DDX5: variants seen among roughly 807,000 people sequenced by gnomAD.
DDX5 encodes DEAD-box helicase 5, also known as probable ATP-dependent RNA helicase DDX5.
Under a neutral mutation model 68.6 loss-of-function variants are expected in DDX5, and 6 were observed. The ratio of observed to expected loss-of-function variants is 0.09; its 90% CI spans 0.05 to 0.17. DDX5 has a LOEUF of 0.17. Among genes scored for constraint, DDX5 ranks in the 10% least tolerant of loss-of-function variants. The pLI is 1.00. For synonymous variants in DDX5, 350 were observed against 247.0 expected (o/e 1.42, Z -3.91); for missense variants, 499 against 756.1 (o/e 0.66, Z 3.99).
At position 64,499,022 on chromosome 17, in the gene DDX5, A is replaced by G. The variant is rs782511376; in HGVS notation, c.*901T>C. 2.2e-4 allele frequency among the ~76,000 whole-genome samples: 34 copies of G among 152,244 alleles called. 1 individual carries two copies. The highest frequency in any genetic ancestry group is 7.3e-5 in the Non-Finnish European group (5 of 68,046). ...TCATGACTCCCAGTGTGACTAGTTA[A>G]GAGCCCCAGGGAGCCTGTGAAGACT... On this transcript the variant is annotated 3_prime_UTR_variant, in exon 13 of 13. Coordinates refer to ENST00000225792, the MANE Select transcript of DDX5 (RefSeq NM_004396.5).
rs2038348252 is a variant in DDX5, at chr17:64,503,466, C to A, written c.613G>T (p.Ala205Ser). 1 of 1,614,234 alleles carries A rather than the reference C, an allele frequency of 6.2e-7. No individual in the cohort carries two copies. Among genetic ancestry groups the A allele is most frequent in the African/African-American group, 1.3e-5 (1 of 75,058 alleles). The change falls in exon 6 of 13, where the codon GCT becomes TCT. Residue 205 changes from alanine to serine, a missense_variant. By Grantham distance (99) the Ala-to-Ser change is moderately conservative. This residue lies in a region of DDX5 where 141 missense variants were observed against 279.8 expected (regional missense o/e 0.50). Transcript: ENST00000225792. ...RLKSTCIYGG[A>S]PKGPQIRDLE... ...TCACGTATTTGTGGTCCCTTAGGAGCACCACCGTAGATACAAGTAGACTTC... is the reference window on the plus strand; with the variant it reads ...TCACGTATTTGTGGTCCCTTAGGAGAACCACCGTAGATACAAGTAGACTTC...
chr17:64,499,632 A>G lies in DDX5; in HGVS notation c.*291T>C, dbSNP rs1205251278. 6 of 307,328 alleles carry G rather than the reference A, an allele frequency of 2.0e-5. No homozygotes were observed. Among genetic ancestry groups the G allele is most frequent in the African/African-American group, 8.5e-5 (4 of 47,032 alleles). 19.0% of individuals were successfully genotyped at this position (307,328 alleles called of 1,614,324 possible). Reference sequence around the variant, plus strand: ...AATTTCCACTTAATTCAGTCTTCAAATATTTTTTATTGGAAGGCCATGCAT... The same window carrying G: ...AATTTCCACTTAATTCAGTCTTCAAGTATTTTTTATTGGAAGGCCATGCAT... On this transcript the variant is annotated 3_prime_UTR_variant, in exon 13 of 13. Coordinates refer to ENST00000225792, the MANE Select transcript of DDX5 (RefSeq NM_004396.5).
intron 8 of DDX5, 114 bp from the exon 9 acceptor site, chr17:64,502,663 A>G (rs1185611389): frequency 2.4e-6 from 2 of 821,354 alleles, no homozygotes; most frequent in Non-Finnish European, 3.8e-6. Flanking sequence ...GAAGTCAAAG[A>G]GGAAACGCCT....
chr17:64,501,842 CCCT>C (rs2038304600), intron 11 of DDX5, 165 bp downstream of exon 11: 1 of 650,204 alleles, frequency 1.5e-6, no homozygotes. Flanking sequence ...TCCTCCATCC[CCCT>C]CGAGTCCTCC....
At chr17:64,502,687 T>C in intron 8 of DDX5, 138 bp from the exon 9 acceptor site, 1 of 730,834 alleles carries the variant, frequency 1.4e-6, no homozygotes, top group Non-Finnish European at 2.2e-6. Context: ...AATCCACTTA[T>C]CGAGCAGTTC....
Position 64,504,097 on chromosome 17 carries a change from A to T in DDX5, c.327T>A (p.Ile109=), listed in dbSNP as rs2229794. The change falls in exon 4 of 13, where the codon ATT becomes ATA. Residue 109 remains isoleucine, a synonymous_variant. Transcript: ENST00000225792. ...ANFPANVMDV[I]ARQNFTEPTA... is the part of the protein sequence containing the mutation. ...TGGGTTCAGTGAAATTCTGTCTTGC[A>T]ATAACATCCATGACATTTGCTATAA... 336 of 1,614,182 alleles carry T rather than the reference A, an allele frequency of 2.1e-4. 3 individuals carry two copies. The East Asian group carries it at 4.1e-3, about 19-fold the overall frequency.
rs372481282 is a variant in DDX5, at chr17:64,499,882, G to A, written c.*41C>T. 10 of 1,502,252 alleles carry A rather than the reference G, an allele frequency of 6.7e-6. No individual in the cohort carries two copies. Among genetic ancestry groups the A allele is most frequent in the African/African-American group, 2.8e-5 (2 of 71,864 alleles). The allele number at this position is 1,502,252 out of a possible 1,614,324, so 93.1% of individuals were successfully genotyped here. A position where few individuals can be genotyped will look rare whatever the true frequency, so the allele number is the denominator to read the frequency against. On this transcript the variant is annotated 3_prime_UTR_variant, in exon 13 of 13. Transcript: ENST00000225792. ...TGTCAGATAACACACAATATAAAGA[G>A]CAATTATGAAAAACAGACATTTACA...
intron 3 of DDX5, 39 bp downstream of exon 3, chr17:64,504,183 C>G: frequency 6.2e-7 from 1 of 1,612,858 alleles, no homozygotes; most frequent in Non-Finnish European, 8.5e-7. Context: ...TAGGTGGAAA[C>G]AAAAACACGG....
chr17:64,499,921 T>C lies in DDX5; in HGVS notation c.*2A>G, dbSNP rs3210263. On this transcript the variant is annotated 3_prime_UTR_variant, in exon 13 of 13. Coordinates refer to ENST00000225792, the MANE Select transcript of DDX5 (RefSeq NM_004396.5). ...CAGACATTTACATATACTTCTAAAG[T>C]CTTATTGGGAATATCCTGTTGGCAT... The C allele has an allele frequency of 1.3e-6, 2 of 1,583,694 alleles. No individual in the cohort carries two copies. The highest frequency in any genetic ancestry group is 1.7e-6 in the Non-Finnish European group (2 of 1,163,806).
At chr17:64,506,030 CCA>C in intron 1 of DDX5, 44 bp downstream of exon 1, 1 of 1,417,706 alleles carries the variant, frequency 7.1e-7, no homozygotes, top group Non-Finnish European at 9.5e-7. Flanking sequence ...ACCCGCCCTC[CCA>C]TCCCCCCACC....
At position 64,498,899 on chromosome 17, in the gene DDX5, T is replaced by C. The variant is rs535585686; in HGVS notation, c.*1024A>G. On this transcript the variant is annotated 3_prime_UTR_variant, in exon 13 of 13. Coordinates refer to ENST00000225792, the MANE Select transcript of DDX5 (RefSeq NM_004396.5). Reference sequence around the variant, plus strand: ...GCTTTTGGTTACGTTGCCTCCTGATTAGTCATTAATTTTAATGAGGTTTTT... The same window carrying C: ...GCTTTTGGTTACGTTGCCTCCTGATCAGTCATTAATTTTAATGAGGTTTTT... Among the ~76,000 whole-genome samples, 11 of 152,332 alleles carry C rather than the reference T, an allele frequency of 7.2e-5. No individual in the cohort carries two copies. The highest frequency in any genetic ancestry group is 2.6e-4 in the African/African-American group (11 of 41,564).
intron 1 of DDX5, chr17:64,505,419 A>C (rs2038440374): frequency 9.2e-6 from 5 of 540,558 alleles, no homozygotes. Flanking sequence ...GAAAAAAGAA[A>C]AGGAGGAGCC....
At chr17:64,505,652 C>T (rs190021518) in intron 1 of DDX5, 9 of 1,332,530 alleles carry the variant, frequency 6.8e-6, no homozygotes, top group East Asian at 2.5e-5. Context: ...TGCCGGCCGC[C>T]CTCCTACCCC....
rs782347912 is a variant in DDX5 at position 64,503,181 on chromosome 17, C to T, written c.810+7G>A. ...CAGTTTGATCACATATTTCAAAGGA[C>T]ACTTACTCTTATTTGATCCACAATC... On this transcript the variant is annotated splice_region_variant and intron_variant, in intron 7 of 12. Transcript: ENST00000225792. 10 of 1,613,844 alleles carry T rather than the reference C, an allele frequency of 6.2e-6. No individual in the cohort carries two copies. The highest frequency in any genetic ancestry group is 4.0e-5 in the African/African-American group (3 of 74,898).
chr17:64,506,796 C>T (rs1009409453), upstream of DDX5: 5 of 548,788 alleles, frequency 9.1e-6, no homozygotes, highest in Admixed American at 9.8e-5. Flanking sequence ...CCCGGGCTGC[C>T]GGCTGATGTG....
chr17:64,503,507 C>G lies in DDX5; in HGVS notation c.572G>C (p.Cys191Ser). The change falls in exon 6 of 13, where the codon TGT (cysteine) becomes TCT (serine). Residue 191 changes from cysteine (C) to serine (S), a missense_variant. Cys to Ser is a moderately radical substitution (Grantham distance 112). Coordinates refer to ENST00000225792, the MANE Select transcript of DDX5 (RefSeq NM_004396.5). Reference protein sequence around the residue: ...QQVQQVAAEYCRACRLKSTCI... With the variant: ...QQVQQVAAEYSRACRLKSTCI... The stretch of plus-strand genomic sequence containing the variant: ...AGTAGACTTCAAGCGACATGCTCTA[C>G]AATATTCAGCAGCTACTTGCTGCAC... The G allele has an allele frequency of 1.2e-6, 2 of 1,614,250 alleles. No homozygotes were observed. The highest frequency in any genetic ancestry group is 1.7e-6 in the Non-Finnish European group (2 of 1,180,048).
Position 64,498,665 on chromosome 17 carries a change from T to A in DDX5, c.*1258A>T, listed in dbSNP as rs151153205. Among the ~76,000 whole-genome samples, 277 of 152,202 alleles carry A rather than the reference T, an allele frequency of 1.8e-3. 7 individuals are homozygous for A. In the East Asian group the frequency reaches 0.047, roughly 26 times the overall value. ...TAAAGCCTCAGTTTAATAATCAGAA[T>A]TTAAATGAAGTCTCCTGAAGACCTC... is the stretch of plus-strand genomic sequence containing the variant. On this transcript the variant is annotated 3_prime_UTR_variant, in exon 13 of 13. Transcript: ENST00000225792.
At position 64,504,201 on chromosome 17, in the gene DDX5, GA is replaced by G; in HGVS notation, c.307+20del. 6.2e-7 allele frequency: 1 copy of G among 1,612,926 alleles called. No homozygotes were observed. Among genetic ancestry groups the G allele is most frequent in the South Asian group, 1.1e-5 (1 of 91,044 alleles). ...GTGGAAACAAAAACACGGGTAGGTA[GA>G]ACTGAAAAGTAGCACTTACCAGGGA... On this transcript the variant is annotated intron_variant, in intron 3 of 12. Coordinates refer to ENST00000225792, the MANE Select transcript of DDX5 (RefSeq NM_004396.5).
chr17:64,506,020 A>AGGGGCCCCCCCCCCCCCCCCCC, intron 1 of DDX5, 56 bp downstream of exon 1: 1 of 868,084 alleles, frequency 1.2e-6, no homozygotes, highest in Non-Finnish European at 1.7e-6. Flanking sequence ...CGCCACCCTG[A>AGGGGCCCCCCCCCCCCCCCCCC]CCCGCCCTCC....
Sources: allele counts gnomAD v4.1 joint callset (sites outside exome capture counted in the v4.1 genomes callset), GRCh38; gene constraint gnomAD v4.1.1; regional missense constraint gnomAD v4.1.1; transcripts MANE v1.5; gene names NCBI Gene and HGNC (gene_info 2026-07-23, HGNC 2026-07-21).